REEP6: variants seen among roughly 807,000 people sequenced by gnomAD.
REEP6 encodes receptor accessory protein 6.
A neutral mutation model predicts 22.4 loss-of-function variants in REEP6; 19 were observed. That is an observed-to-expected ratio of 0.85 (90% CI 0.59 to 1.25). The LOEUF (loss-of-function observed/expected upper bound fraction) is 1.25. Ranked by LOEUF, REEP6 falls within the 50% of genes most tolerant of loss-of-function variation. REEP6 has a pLI of 0.00. For missense variants in REEP6, 273 were observed against 251.9 expected (o/e 1.08, Z -0.57); for synonymous variants, 121 against 113.6 (o/e 1.06, Z -0.41).
rs1207918119 is a variant in REEP6 at position 1,497,013 on chromosome 19, A to G, written c.518-161A>G. On this transcript the variant is annotated intron_variant, in intron 4 of 4. Transcript: ENST00000233596. This position sits in a 1 kb window ranked among gnomAD's most constrained non-coding sequence, Gnocchi z 6.5. ...TGCACCCATCTGTGCATGGGTGACC[A>G]TGAAAGCCTCTGTGTGGTTGACACC... Among the ~76,000 whole-genome samples, 1 of 152,166 alleles carries G rather than the reference A, an allele frequency of 6.6e-6. No individual in the cohort carries two copies. The highest frequency in any genetic ancestry group is 1.5e-5 in the Non-Finnish European group (1 of 68,004).
At chr19:1,495,414 G>C (rs142474541) in intron 2 of REEP6, 27 bp downstream of exon 2, 5 of 1,613,680 alleles carry the variant, frequency 3.1e-6, no homozygotes, top group South Asian at 2.2e-5. Context: ...CTGCCCACGC[G>C]GGGGGTTCTG....
chr19:1,492,736 T>TCCC (rs57269910), intron 1 of REEP6, among the ~76,000 whole-genome samples: 12,365 of 151,834 alleles, frequency 0.081, 941 homozygotes, highest in African/African-American at 0.2. Context: ...GGAGTCCAGT[T>TCCC]CCCCCCCAAT....
chr19:1,494,830 A>G (rs919046414), intron 1 of REEP6, among the ~76,000 whole-genome samples: 4 of 152,106 alleles, frequency 2.6e-5, no homozygotes, highest in African/African-American at 7.2e-5. Flanking sequence ...GACTACAGGC[A>G]CACACCGCCA....
At chr19:1,492,825 A>G (rs977305149) in intron 1 of REEP6, among the ~76,000 whole-genome samples, 1 of 152,160 alleles carries the variant, frequency 6.6e-6, no homozygotes, top group Admixed American at 6.5e-5. Flanking sequence ...GGAGGTCCCC[A>G]GGTGCCTGGT....
chr19:1,492,019 G>A (rs946737025), intron 1 of REEP6, among the ~76,000 whole-genome samples: 2 of 152,332 alleles, frequency 1.3e-5, no homozygotes, highest in South Asian at 2.1e-4. Flanking sequence ...CAGTTCTTCC[G>A]TGACTTTCAC....
chr19:1,495,196 G>T (rs951872069), intron 1 of REEP6, 98 bp from the exon 2 acceptor site: 8 of 1,144,832 alleles, frequency 7.0e-6, no homozygotes, highest in Non-Finnish European at 9.1e-6. Context: ...GGGAGGAGGT[G>T]ACGGTTGCAG....
chr19:1,493,176 G>A (rs2084980244), intron 1 of REEP6, among the ~76,000 whole-genome samples: 1 of 152,120 alleles, frequency 6.6e-6, no homozygotes, highest in Non-Finnish European at 1.5e-5. Flanking sequence ...TCCCGTCGCT[G>A]AAGCTGCAGG....
chr19:1,497,784 G>C lies in REEP6; in HGVS notation c.*573G>C, dbSNP rs563520908. 2.1e-6 allele frequency: 1 copy of C among 470,628 alleles called. No individual in the cohort carries two copies. Among genetic ancestry groups the C allele is most frequent in the East Asian group, 6.9e-5 (1 of 14,392 alleles). 29.2% of individuals were successfully genotyped at this position (470,628 alleles called of 1,614,324 possible). On this transcript the variant is annotated 3_prime_UTR_variant, in exon 5 of 5. Coordinates refer to ENST00000233596, the MANE Select transcript of REEP6 (RefSeq NM_138393.4). The surrounding 1 kb of genome is among the most constrained non-coding windows in gnomAD (Gnocchi z 6.5). The stretch of plus-strand genomic sequence containing the variant: ...GCCCGAGCTGGTCCCCTGCCATTCC[G>C]GGACCTCTCTGGAGTACACTTCGGA...
chr19:1,495,389 T>G lies in REEP6; in HGVS notation c.209+2T>G, dbSNP rs112813933. ...ATTTGTGTACCCCGCATATGCCTCG[T>G]GAGTGCACGGCTGGCTGCCCACGCG... On this transcript the variant is annotated splice_donor_variant, in intron 2 of 4. Transcript: ENST00000233596. LOFTEE classifies it high-confidence loss of function. 1 of 1,613,860 alleles carries G rather than the reference T, an allele frequency of 6.2e-7. No individual in the cohort carries two copies.
intron 1 of REEP6, among the ~76,000 whole-genome samples, chr19:1,494,486 A>G (rs1375090078): frequency 6.6e-6 from 1 of 152,188 alleles, no homozygotes; most frequent in East Asian, 1.9e-4. Context: ...ACCAAGAATG[A>G]CCCGGCCCTG....
rs773548842 is a variant in REEP6, at chr19:1,491,227, C to T, written c.-43C>T. 9.4e-6 allele frequency: 13 copies of T among 1,382,098 alleles called. No homozygotes were observed. In the South Asian group the frequency reaches 1.7e-4, roughly 18 times the overall value. 85.6% of individuals were successfully genotyped at this position (1,382,098 alleles called of 1,614,324 possible). A position where few individuals can be genotyped will look rare whatever the true frequency, so the allele number is the denominator to read the frequency against. On this transcript the variant is annotated 5_prime_UTR_variant, in exon 1 of 5. Transcript: ENST00000233596. This position sits in a 1 kb window ranked among gnomAD's most constrained non-coding sequence, Gnocchi z 5.4. ...CGTGCAGCGGGGTGGGTGCCCTGGTCCGCGGGCGAGCTCGAGCAGCCAACC... is the reference window on the plus strand; with the variant it reads ...CGTGCAGCGGGGTGGGTGCCCTGGTTCGCGGGCGAGCTCGAGCAGCCAACC...
Position 1,497,201 on chromosome 19 carries a change from A to C in REEP6, c.545A>C (p.Lys182Thr). The part of the protein sequence containing the change: ...NVKPSQTPQP[K>T]DK The stretch of plus-strand genomic sequence containing the variant: ...AAGCCAAGCCAGACCCCGCAGCCGA[A>C]GGACAAGTGAAGCAGCCCCCTGAGC... Residue 182 changes from lysine to threonine, a missense_variant, in exon 5 of 5, where the codon AAG becomes ACG. Transcript: ENST00000233596. This position sits in a 1 kb window ranked among gnomAD's most constrained non-coding sequence, Gnocchi z 6.5. 6.7e-7 allele frequency: 1 copy of C among 1,497,810 alleles called. No individual in the cohort carries two copies. The highest frequency in any genetic ancestry group is 2.4e-5 in the East Asian group (1 of 42,176). 92.8% of individuals were successfully genotyped at this position (1,497,810 alleles called of 1,614,324 possible).
At chr19:1,494,264 A>G (rs2084988025) in intron 1 of REEP6, among the ~76,000 whole-genome samples, 1 of 152,086 alleles carries the variant, frequency 6.6e-6, no homozygotes, top group Non-Finnish European at 1.5e-5. Context: ...CAGGGGATCG[A>G]GATGCTGGGG....
At chr19:1,492,328 T>C (rs752102686) in intron 1 of REEP6, among the ~76,000 whole-genome samples, 14 of 152,286 alleles carry the variant, frequency 9.2e-5, no homozygotes, top group Admixed American at 4.6e-4. Context: ...GGTTTCACCA[T>C]GTTGGCCAGG....
At chr19:1,496,762 C>A in intron 4 of REEP6, 3 of 626,506 alleles carry the variant, frequency 4.8e-6, no homozygotes, top group Non-Finnish European at 3.0e-6. Context: ...GCTGTGTGCA[C>A]ATGTATTATT....
intron 3 of REEP6, chr19:1,495,930 C>T: frequency 1.9e-6 from 1 of 539,080 alleles, no homozygotes. Context: ...AATAGGATGT[C>T]TGATGGTGGA....
intron 3 of REEP6, chr19:1,495,946 C>T (rs564216612): frequency 1.9e-6 from 1 of 536,838 alleles, no homozygotes; most frequent in African/African-American, 1.9e-5. Flanking sequence ...GTGGAGGGCT[C>T]ACTTAAAGGG....
At chr19:1,494,489 C>T (rs973760994) in intron 1 of REEP6, among the ~76,000 whole-genome samples, 2 of 152,148 alleles carry the variant, frequency 1.3e-5, no homozygotes, top group East Asian at 1.9e-4. Flanking sequence ...AAGAATGACC[C>T]GGCCCTGAAC....
chr19:1,497,161 C>CCCAA lies in REEP6; in HGVS notation c.518-12_518-11insCAAC. 7.0e-7 allele frequency: 1 copy of CCCAA among 1,435,152 alleles called. No homozygotes were observed. Among genetic ancestry groups the CCCAA allele is most frequent in the Non-Finnish European group, 9.2e-7 (1 of 1,089,704 alleles). 88.9% of individuals were successfully genotyped at this position (1,435,152 alleles called of 1,614,324 possible). ...GCCTCACGGCCCTCCCCCACCCGCC[C>CCCAA]CTCTCTCTGCAGTCAAGCCAAGCCA... On this transcript the variant is annotated splice_polypyrimidine_tract_variant and intron_variant, in intron 4 of 4. Transcript: ENST00000233596. This position sits in a 1 kb window ranked among gnomAD's most constrained non-coding sequence, Gnocchi z 6.5.
Sources: gnomAD v4.1 joint callset for allele counts (sites outside exome capture counted in the v4.1 genomes callset) on GRCh38, gnomAD v4.1.1 for gene constraint, Gnocchi (gnomAD v3.1) non-coding constraint, MANE v1.5 for transcripts, NCBI Gene and HGNC (gene_info 2026-07-23, HGNC 2026-07-21) for gene names.